The following FSTL5 variants were observed in gnomAD, a reference collection of about 807,000 sequenced individuals.
The protein encoded by FSTL5 is follistatin-related protein 5.
FSTL5 carries 62 observed loss-of-function variants against 89.1 expected under a neutral mutation model. The ratio of observed to expected loss-of-function variants is 0.70; its 90% CI spans 0.57 to 0.86. The LOEUF is 0.86. Ranked by LOEUF, FSTL5 falls within the 40% of genes least tolerant of loss-of-function variation. The pLI is 0.00. For synonymous variants in FSTL5, 383 were observed against 346.2 expected (o/e 1.11, Z -1.18); for missense variants, 1,057 against 1,001.6 (o/e 1.06, Z -0.75).
chr4:161,882,204 C>T (rs566727278), intron 4 of FSTL5, among the ~76,000 whole-genome samples: 5 of 152,178 alleles, frequency 3.3e-5, no homozygotes, highest in African/African-American at 9.6e-5. Context: ...TTTCCAGATT[C>T]TGTGAGCACT....
At chr4:161,720,204 CAA>C (rs34684242) in intron 6 of FSTL5, among the ~76,000 whole-genome samples, 3,888 of 142,052 alleles carry the variant, frequency 0.027, 115 homozygotes, top group African/African-American at 0.077. Context: ...AACACAATAG[CAA>C]AAAAAAAAAA....
intron 3 of FSTL5, among the ~76,000 whole-genome samples, chr4:161,945,634 C>T (rs557740377): frequency 2.6e-5 from 4 of 152,206 alleles, no homozygotes; most frequent in East Asian, 1.9e-4. Flanking sequence ...CACTTGTAGT[C>T]CCAGCTACTG....
At chr4:161,544,627 T>C (rs1002409826) in intron 8 of FSTL5, among the ~76,000 whole-genome samples, 2 of 151,950 alleles carry the variant, frequency 1.3e-5, no homozygotes, top group African/African-American at 4.8e-5. Flanking sequence ...TTAAATGGCA[T>C]GTGGATTTTA....
intron 8 of FSTL5, among the ~76,000 whole-genome samples, chr4:161,553,774 A>G (rs72685754): frequency 0.077 from 11,623 of 151,594 alleles, 548 homozygotes; most frequent in Middle Eastern, 0.17. Context: ...GAAAAAAATC[A>G]TATTTTAAAA....
chr4:162,060,915 C>T (rs899261513), intron 2 of FSTL5, among the ~76,000 whole-genome samples: 2 of 151,952 alleles, frequency 1.3e-5, no homozygotes, highest in Non-Finnish European at 2.9e-5. Context: ...TTCAACATAA[C>T]CAAATTCAAT....
intron 8 of FSTL5, among the ~76,000 whole-genome samples, chr4:161,560,402 T>TA (rs1335865085): frequency 2.6e-5 from 4 of 151,962 alleles, no homozygotes; most frequent in Admixed American, 6.6e-5. Flanking sequence ...ATTAGATTTA[T>TA]AAAAAAACTT....
chr4:161,584,321 G>A (rs1429361590), intron 8 of FSTL5, among the ~76,000 whole-genome samples: 1 of 152,156 alleles, frequency 6.6e-6, no homozygotes, highest in African/African-American at 2.4e-5. Context: ...CAAACAGTCT[G>A]TCTTTCTCTC....
chr4:161,682,862 T>C (rs1244011483), intron 6 of FSTL5, among the ~76,000 whole-genome samples: 1 of 152,138 alleles, frequency 6.6e-6, no homozygotes, highest in Non-Finnish European at 1.5e-5. Context: ...TTCTTCTGCC[T>C]TAGCTTCCCA....
intron 7 of FSTL5, among the ~76,000 whole-genome samples, chr4:161,608,691 T>A (rs931254085): frequency 6.6e-6 from 1 of 152,066 alleles, no homozygotes; most frequent in African/African-American, 2.4e-5. Context: ...TAAATATCTA[T>A]AAAATATTTT....
At chr4:161,753,899 G>A (rs1740483093) in intron 6 of FSTL5, among the ~76,000 whole-genome samples, 3 of 151,734 alleles carry the variant, frequency 2.0e-5, no homozygotes, top group South Asian at 2.1e-4. Context: ...AAAATTAGCC[G>A]GGCGTGGTGG....
At chr4:162,071,907 T>G (rs1729640586) in intron 2 of FSTL5, among the ~76,000 whole-genome samples, 1 of 151,742 alleles carries the variant, frequency 6.6e-6, no homozygotes. Context: ...GATGAATGGG[T>G]CAGTGAAGAA....
intron 8 of FSTL5, among the ~76,000 whole-genome samples, chr4:161,546,312 A>G (rs1260280416): frequency 1.3e-5 from 2 of 148,926 alleles, no homozygotes; most frequent in Non-Finnish European, 3.0e-5. Flanking sequence ...ATATATACAC[A>G]TATATAAAAC....
chr4:161,609,878 T>C (rs1351078354), intron 7 of FSTL5, among the ~76,000 whole-genome samples: 6 of 152,148 alleles, frequency 3.9e-5, no homozygotes, highest in African/African-American at 1.4e-4. Flanking sequence ...TTGCTACACA[T>C]ATATTCTCGT....
chr4:161,943,883 T>C (rs1182181282), intron 3 of FSTL5, among the ~76,000 whole-genome samples: 3 of 152,062 alleles, frequency 2.0e-5, no homozygotes, highest in Admixed American at 6.6e-5. Flanking sequence ...ACCTGCTCTG[T>C]AAATATATTA....
At chr4:161,791,531 G>T (rs1729476845) in intron 4 of FSTL5, among the ~76,000 whole-genome samples, 1 of 152,176 alleles carries the variant, frequency 6.6e-6, no homozygotes, top group Admixed American at 6.6e-5. Context: ...GGCCAAAACA[G>T]CTATCAGCCA....
chr4:161,907,119 T>C (rs559516729), intron 4 of FSTL5, among the ~76,000 whole-genome samples: 1 of 152,260 alleles, frequency 6.6e-6, no homozygotes, highest in South Asian at 2.1e-4. Flanking sequence ...CCTAGGATTT[T>C]AAAGTAATTT....
chr4:161,865,050 TA>T (rs988301229), intron 4 of FSTL5, among the ~76,000 whole-genome samples: 47 of 151,584 alleles, frequency 3.1e-4, no homozygotes, highest in African/African-American at 9.5e-4. Flanking sequence ...AGCAGAGTGA[TA>T]AAAAAAAAAC....
At chr4:162,116,147 G>A (rs559742316) in intron 1 of FSTL5, among the ~76,000 whole-genome samples, 2 of 152,240 alleles carry the variant, frequency 1.3e-5, no homozygotes, top group East Asian at 1.9e-4. Flanking sequence ...AAGACTTTGA[G>A]AGCAAATTCA....
intron 1 of FSTL5, among the ~76,000 whole-genome samples, chr4:162,151,878 G>T (rs1733238375): frequency 6.6e-6 from 1 of 152,090 alleles, no homozygotes; most frequent in East Asian, 1.9e-4. Flanking sequence ...GCAAAACAAA[G>T]CAGCACTAGA....
Sources: gnomAD v4.1 joint callset for allele counts (sites outside exome capture counted in the v4.1 genomes callset) on GRCh38, gnomAD v4.1.1 for gene constraint, MANE v1.5 for transcripts, NCBI Gene and HGNC (gene_info 2026-07-23, HGNC 2026-07-21) for gene names.